The following RTL9 variants were observed in gnomAD, a reference collection of about 807,000 sequenced individuals.
RTL9 encodes retrotransposon Gag like 9, also known as retrotransposon Gag-like protein 9.
RTL9 carries 19 observed loss-of-function variants against 44.7 expected under a neutral mutation model. That is an observed-to-expected ratio of 0.42 (90% CI 0.30 to 0.62). The LOEUF (loss-of-function observed/expected upper bound fraction) is 0.62, where lower values mean the gene tolerates loss of function less well. Among genes scored for constraint, RTL9 ranks in the 20% least tolerant of loss-of-function variants. The pLI, the probability that RTL9 is intolerant of heterozygous loss-of-function variation, is 0.16. For missense variants in RTL9, 1,105 were observed against 1,080.6 expected (o/e 1.02, Z -0.32); for synonymous variants, 407 against 398.9 (o/e 1.02, Z -0.24).
At chrX:110,396,085 G>C (rs1180957171) in intron 1 of RTL9, among the ~76,000 whole-genome samples, 1 of 111,424 alleles carries the variant, frequency 9.0e-6, no homozygotes, top group African/African-American at 3.3e-5. Flanking sequence ...ATCCTGACCT[G>C]ACCTGTTTTG....
At chrX:110,411,698 G>T (rs762800039) in intron 1 of RTL9, among the ~76,000 whole-genome samples, 2 of 112,339 alleles carry the variant, frequency 1.8e-5, no homozygotes, top group East Asian at 5.6e-4. Context: ...CAACATAGAA[G>T]GAAGACAATG....
chrX:110,401,372 G>A (rs2068563683), intron 1 of RTL9, among the ~76,000 whole-genome samples: 1 of 111,404 alleles, frequency 9.0e-6, no homozygotes, highest in Admixed American at 9.5e-5. Context: ...ACCTACTATG[G>A]CTCCTACAGG....
chrX:110,449,666 G>A (rs190162766), upstream of RTL9, among the ~76,000 whole-genome samples: 37 of 112,564 alleles, frequency 3.3e-4, no homozygotes, highest in Non-Finnish European at 5.4e-4. Flanking sequence ...TGGGATGTCA[G>A]AGAAATAATT....
chrX:110,400,246 C>G (rs2068555245), intron 1 of RTL9, among the ~76,000 whole-genome samples: 1 of 105,060 alleles, frequency 9.5e-6, no homozygotes, highest in African/African-American at 3.5e-5. Context: ...TATTACTGTT[C>G]CTGCCAGGCT....
At chrX:110,455,379 T>C in exon 2 of RTL9, 10 of 1,170,739 alleles carry the variant, frequency 8.5e-6, no homozygotes, top group Non-Finnish European at 1.2e-5. Flanking sequence ...GAGGACTGGT[T>C]CCTGGACCCA....
exon 1 of RTL9, chrX:110,452,847 A>G: frequency 8.3e-7 from 1 of 1,211,602 alleles, no homozygotes; most frequent in Non-Finnish European, 1.1e-6. Context: ...CGCTGGAGGG[A>G]TGCAGATGAA....
chrX:110,373,482 A>C (rs1485290476), intron 1 of RTL9, among the ~76,000 whole-genome samples: 1 of 111,878 alleles, frequency 8.9e-6, no homozygotes, highest in Admixed American at 9.5e-5. Context: ...TCAGAGTCCA[A>C]TTCTTACGGA....
Position 110,365,352 on chromosome X carries a change from C to T in RTL9, c.-168+6436C>T, listed in dbSNP as rs182172709. Reference sequence around the variant, plus strand: ...TTCTGGTGAAATCAGGCTTCCATGACGTTGAAATACAGAATAAACTCCAAA... The same window carrying T: ...TTCTGGTGAAATCAGGCTTCCATGATGTTGAAATACAGAATAAACTCCAAA... On this transcript the variant is annotated intron_variant, in intron 1 of 2. Transcript: ENST00000520821. Among the ~76,000 whole-genome samples, 8 of 112,119 alleles carry T rather than the reference C, an allele frequency of 7.1e-5. No homozygotes were observed. The East Asian group carries it at 8.3e-4, about 12-fold the overall frequency.
chrX:110,363,542 A>G (rs1354693365), intron 1 of RTL9, among the ~76,000 whole-genome samples: 1 of 112,258 alleles, frequency 8.9e-6, no homozygotes, highest in Non-Finnish European at 1.9e-5. Context: ...GGGAAAGTCC[A>G]TATAACTAAG....
chrX:110,400,986 G>C (rs773893060), intron 1 of RTL9, among the ~76,000 whole-genome samples: 1 of 112,008 alleles, frequency 8.9e-6, no homozygotes, highest in Non-Finnish European at 1.9e-5. Flanking sequence ...AGGTGGACAT[G>C]ATATTTAATG....
chrX:110,414,146 C>A (rs1055437307), upstream of RTL9, among the ~76,000 whole-genome samples: 2 of 112,375 alleles, frequency 1.8e-5, no homozygotes, highest in Non-Finnish European at 3.8e-5. Flanking sequence ...CTGACAGTTT[C>A]CTCCTCTGTG....
In RTL9 at chrX:110,453,688, C is replaced by T. The variant is rs777196510; in HGVS notation, c.3071C>T (p.Ser1024Phe). 3.0e-5 allele frequency: 36 copies of T among 1,210,555 alleles called. No homozygotes were observed. The South Asian group carries it at 5.8e-4, about 20-fold the overall frequency. ...ACAGCGCCAATTAGAGCCTCTGCTT[C>T]TGGAGCAAGGTCCACATCATTTATG... The change falls in exon 1 of 2, where the codon TCT (serine) becomes TTT (phenylalanine). Residue 1024 changes from serine to phenylalanine, a missense_variant. Transcript: ENST00000540313.
intron 1 of RTL9, among the ~76,000 whole-genome samples, chrX:110,384,524 G>A (rs1459359977): frequency 9.0e-6 from 1 of 111,649 alleles, no homozygotes; most frequent in African/African-American, 3.3e-5. Flanking sequence ...GTATCCCTTT[G>A]CATTTAACTT....
chrX:110,434,461 C>T (rs2068821265), intron 1 of RTL9, among the ~76,000 whole-genome samples: 1 of 111,493 alleles, frequency 9.0e-6, no homozygotes, highest in Admixed American at 9.5e-5. Context: ...TGAACCACGA[C>T]CGTGGCAGTG....
chrX:110,383,064 C>T (rs972173010), intron 1 of RTL9, among the ~76,000 whole-genome samples: 5 of 112,026 alleles, frequency 4.5e-5, no homozygotes, highest in African/African-American at 1.6e-4. Flanking sequence ...GGATGAGAAA[C>T]TCTTGCAAAA....
chrX:110,424,908 A>G (rs1345256952), intron 1 of RTL9, among the ~76,000 whole-genome samples: 1 of 111,656 alleles, frequency 9.0e-6, no homozygotes, highest in Non-Finnish European at 1.9e-5. Flanking sequence ...TGAGTGCTTT[A>G]CTGTTAACCA....
chrX:110,394,560 A>G (rs2068516680), intron 1 of RTL9, among the ~76,000 whole-genome samples: 2 of 112,943 alleles, frequency 1.8e-5, no homozygotes, highest in African/African-American at 6.4e-5. Flanking sequence ...ATTAGCCTAC[A>G]GTAAAATTAG....
chrX:110,382,326 GA>G (rs367625900), intron 1 of RTL9, among the ~76,000 whole-genome samples: 1,367 of 105,449 alleles, frequency 0.013, 16 homozygotes, highest in Middle Eastern at 0.029. Context: ...AATTGTACAG[GA>G]AAAAAAAAAC....
chrX:110,383,386 A>G (rs1472680596), intron 1 of RTL9, among the ~76,000 whole-genome samples: 1 of 111,289 alleles, frequency 9.0e-6, no homozygotes, highest in Non-Finnish European at 1.9e-5. Flanking sequence ...CCTTTTTCCA[A>G]ATCAGGGGTA....
Sources: allele counts gnomAD v4.1 joint callset (sites outside exome capture counted in the v4.1 genomes callset), GRCh38; gene constraint gnomAD v4.1.1; transcripts MANE v1.5; gene names NCBI Gene and HGNC (gene_info 2026-07-23, HGNC 2026-07-21).